GRIP2: variants seen among roughly 807,000 people sequenced by gnomAD.
The protein encoded by GRIP2 is glutamate receptor interacting protein 2, also known as glutamate receptor-interacting protein 2.
Under a neutral mutation model 108.3 loss-of-function variants are expected in GRIP2, and 58 were observed. The observed-to-expected ratio is 0.54, with a 90% confidence interval of 0.43 to 0.67. The LOEUF (loss-of-function observed/expected upper bound fraction) is 0.67, where lower values mean the gene tolerates loss of function less well. Ranked by LOEUF, GRIP2 falls within the 30% of genes least tolerant of loss-of-function variation. GRIP2 has a pLI of 0.00. For synonymous variants in GRIP2, 586 were observed against 598.2 expected (o/e 0.98, Z 0.30); for missense variants, 1,278 against 1,430.6 (o/e 0.89, Z 1.72).
At chr3:14,527,468 G>C (rs1216913846) in intron 1 of GRIP2, among the ~76,000 whole-genome samples, 1 of 151,988 alleles carries the variant, frequency 6.6e-6, no homozygotes, top group Non-Finnish European at 1.5e-5. Context: ...GAAGAAAAGG[G>C]AAGTAAGAAA....
intron 1 of GRIP2, among the ~76,000 whole-genome samples, chr3:14,548,350 C>T (rs907421166): frequency 2.6e-5 from 4 of 152,106 alleles, no homozygotes; most frequent in East Asian, 3.9e-4. Context: ...TCAGGCTCTC[C>T]GGAGGCCCCT....
At chr3:14,516,736 C>T (rs1694259110) in intron 11 of GRIP2, among the ~76,000 whole-genome samples, 1 of 152,078 alleles carries the variant, frequency 6.6e-6, no homozygotes, top group Non-Finnish European at 1.5e-5. Context: ...GACTGAATGG[C>T]AAAAAATGTG....
upstream of GRIP2, among the ~76,000 whole-genome samples, chr3:14,558,131 G>A (rs1044339016): frequency 6.6e-6 from 1 of 152,220 alleles, no homozygotes; most frequent in Non-Finnish European, 1.5e-5. Context: ...CAGAGCGCAT[G>A]AGGGTGGTCC....
At chr3:14,510,704 C>T (rs182148401) in intron 16 of GRIP2, among the ~76,000 whole-genome samples, 1 of 152,338 alleles carries the variant, frequency 6.6e-6, no homozygotes, top group Admixed American at 6.5e-5. Flanking sequence ...GCAGTCCTCA[C>T]CCGTCCCTTT....
chr3:14,559,175 A>C (rs1695281320), upstream of GRIP2, among the ~76,000 whole-genome samples: 1 of 152,190 alleles, frequency 6.6e-6, no homozygotes, highest in South Asian at 2.1e-4. Flanking sequence ...AGATGATAAT[A>C]GGATGTGCCT....
At chr3:14,524,161 G>A in intron 4 of GRIP2, 1 of 583,804 alleles carries the variant, frequency 1.7e-6, no homozygotes. Context: ...AAAAGCATCT[G>A]GAGACTAAAT....
chr3:14,602,846 C>T, the GRIP2 span, among the ~76,000 whole-genome samples: 1 of 151,582 alleles, frequency 6.6e-6, no homozygotes, highest in African/African-American at 2.4e-5. The surrounding 1 kb of genome is among the most constrained non-coding windows in gnomAD (Gnocchi z 4.7). Flanking sequence ...CGTGTGCGCC[C>T]CGGGCCAGCT....
chr3:14,574,624 C>A, the GRIP2 span: 3 of 672,508 alleles, frequency 4.5e-6, no homozygotes, highest in Middle Eastern at 5.4e-4. Flanking sequence ...CCTTCCTGGG[C>A]AAAGAAGGAT....
chr3:14,540,433 G>A (rs1694940736), upstream of GRIP2: 3 of 1,594,198 alleles, frequency 1.9e-6, no homozygotes, highest in African/African-American at 1.3e-5. The surrounding 1 kb of genome is among the most constrained non-coding windows in gnomAD (Gnocchi z 4.1). Flanking sequence ...TGGGCACCGA[G>A]TCCACCCACT....
At position 14,505,693 on chromosome 3, in the gene GRIP2, C is replaced by A. The variant is rs1693904186; in HGVS notation, c.2495G>T (p.Arg832Met). The A allele has an allele frequency of 1.9e-6, 3 of 1,600,110 alleles. No homozygotes were observed. The African/African-American group carries it at 4.0e-5, about 21-fold the overall frequency. The change falls in exon 20 of 24, where the codon AGG (arginine) becomes ATG (methionine). Residue 832 changes from arginine (R) to methionine (M), a missense_variant. Arg to Met is a moderately conservative substitution (Grantham distance 91, BLOSUM62 -1). Transcript: ENST00000621039. This position sits in a 1 kb window ranked among gnomAD's most constrained non-coding sequence, Gnocchi z 4.2. ...RGSPPPTEPR[R>M]TSYTPTPADE... The stretch of plus-strand genomic sequence containing the variant: ...AGCTGGGGTTGGGGTATAGCTCGTC[C>A]TCCGGGGCTCGGTGGGTGGGGGGCT...
chr3:14,538,645 C>T (rs1949539), intron 1 of GRIP2, among the ~76,000 whole-genome samples: 11,716 of 152,262 alleles, frequency 0.077, 502 homozygotes, highest in Middle Eastern at 0.12. Flanking sequence ...GGTTCTGTGA[C>T]CTGGGGAGGA....
the GRIP2 span, among the ~76,000 whole-genome samples, chr3:14,599,404 G>C: frequency 6.6e-6 from 1 of 152,124 alleles, no homozygotes; most frequent in Non-Finnish European, 1.5e-5. Flanking sequence ...GGGTCGCAGC[G>C]CCTTCCTCCT....
At chr3:14,496,696 G>C (rs1559329437) in intron 21 of GRIP2, 136 bp from the exon 22 acceptor site, 1 of 1,250,766 alleles carries the variant, frequency 8.0e-7, no homozygotes, top group Non-Finnish European at 1.1e-6. Context: ...CTGCCCATTG[G>C]GGCTGGGTCC....
the GRIP2 span, chr3:14,573,379 G>T: frequency 1.5e-6 from 2 of 1,332,572 alleles, no homozygotes; most frequent in Non-Finnish European, 2.1e-6. Context: ...AGGTCCCGCG[G>T]GATGGTCATC....
intron 1 of GRIP2, among the ~76,000 whole-genome samples, chr3:14,537,490 C>A (rs1216403549): frequency 6.6e-6 from 1 of 152,272 alleles, no homozygotes; most frequent in Non-Finnish European, 1.5e-5. Context: ...GTGCAGCGCA[C>A]ACATTGTCTG....
chr3:14,540,268 C>A lies in GRIP2; in HGVS notation c.40+1G>T. 5 of 1,613,634 alleles carry A rather than the reference C, an allele frequency of 3.1e-6. No homozygotes were observed. Among genetic ancestry groups the A allele is most frequent in the Non-Finnish European group, 4.2e-6 (5 of 1,179,698 alleles). On this transcript the variant is annotated splice_donor_variant, in intron 1 of 23. Coordinates refer to ENST00000621039, the MANE Select transcript of GRIP2 (RefSeq NM_001080423.4). LOFTEE classifies it high-confidence loss of function. This position sits in a 1 kb window ranked among gnomAD's most constrained non-coding sequence, Gnocchi z 4.1. ...CTGCCCACAGACCCCCCATTACGTA[C>A]CCGCCTCTCCAGGGGTCTCCCGGCT...
chr3:14,574,416 G>A, the GRIP2 span: 1 of 743,496 alleles, frequency 1.3e-6, no homozygotes, highest in Non-Finnish European at 2.4e-6. Flanking sequence ...CTTGGGCTGC[G>A]AGGCTGCGGT....
Position 14,536,631 on chromosome 3 carries a change from C to A in GRIP2, c.40+3638G>T, listed in dbSNP as rs147207269. ...GGGGCTCCTGTCCAGCAGGCCTGAGCCACACGCAGGCCAACATCCCACCAT... is the reference window on the plus strand; with the variant it reads ...GGGGCTCCTGTCCAGCAGGCCTGAGACACACGCAGGCCAACATCCCACCAT... On this transcript the variant is annotated intron_variant, in intron 1 of 23. Coordinates refer to ENST00000621039, the MANE Select transcript of GRIP2 (RefSeq NM_001080423.4). Among the ~76,000 whole-genome samples, 1,273 of 152,348 alleles carry A rather than the reference C, an allele frequency of 8.4e-3. 10 individuals carry two copies. Among genetic ancestry groups the A allele is most frequent in the East Asian group, 0.029 (149 of 5,178 alleles).
chr3:14,515,896 G>T (rs1404407584), intron 11 of GRIP2, among the ~76,000 whole-genome samples: 1 of 152,134 alleles, frequency 6.6e-6, no homozygotes, highest in African/African-American at 2.4e-5. Context: ...CTCCCAAAGT[G>T]TGGGGATTAC....
Sources: gnomAD v4.1 joint callset for allele counts (sites outside exome capture counted in the v4.1 genomes callset) on GRCh38, gnomAD v4.1.1 for gene constraint, Gnocchi (gnomAD v3.1) non-coding constraint, MANE v1.5 for transcripts, NCBI Gene and HGNC (gene_info 2026-07-23, HGNC 2026-07-21) for gene names.